Variants in GRK3 observed in about 807,000 individuals in gnomAD.
The protein encoded by GRK3 is adrenergic, beta, receptor kinase 2.
Under a neutral mutation model 95.7 loss-of-function variants are expected in GRK3, and 54 were observed. The ratio of observed to expected loss-of-function variants is 0.56; its 90% CI spans 0.45 to 0.71. The LOEUF (loss-of-function observed/expected upper bound fraction) is 0.71. Among genes scored for constraint, GRK3 ranks in the 30% least tolerant of loss-of-function variants. GRK3 has a pLI of 0.00. For synonymous variants in GRK3, 281 were observed against 290.8 expected, an observed-to-expected ratio of 0.97 and a Z score of 0.34; for missense variants, 649 against 851.2, an observed-to-expected ratio of 0.76 and a Z score of 2.96.
intron 9 of GRK3, among the ~76,000 whole-genome samples, chr22:25,682,154 A>G (rs975276188): frequency 3.2e-4 from 48 of 152,324 alleles, no homozygotes; most frequent in African/African-American, 1.0e-3. Context: ...AACAGCATTT[A>G]TTTGGTAATG....
At chr22:25,713,224 T>C (rs2085357957) in intron 17 of GRK3, among the ~76,000 whole-genome samples, 2 of 152,094 alleles carry the variant, frequency 1.3e-5, no homozygotes, top group Admixed American at 6.5e-5. Flanking sequence ...CAGGTGCTCA[T>C]CGGACCTTGA....
In GRK3 at chr22:25,695,149, G is replaced by T; in HGVS notation, c.1095G>T (p.Gly365=). The T allele has an allele frequency of 6.2e-7, 1 of 1,614,110 alleles. No individual in the cohort carries two copies. Among genetic ancestry groups the T allele is most frequent in the Non-Finnish European group, 8.5e-7 (1 of 1,179,990 alleles). The part of the protein sequence containing the change: ...GYMAPEVLQK[G]TAYDSSADWF... ...TGGCTCCCGAGGTGCTGCAGAAGGGGACGGCCTATGACAGCAGTGCCGACT... is the reference window on the plus strand; with the variant it reads ...TGGCTCCCGAGGTGCTGCAGAAGGGTACGGCCTATGACAGCAGTGCCGACT... The change falls in exon 13 of 21, where the codon GGG becomes GGT. Residue 365 remains glycine, a synonymous_variant. Transcript: ENST00000324198.
chr22:25,647,575 A>G (rs2084794848), intron 3 of GRK3: 2 of 1,558,746 alleles, frequency 1.3e-6, no homozygotes, highest in Non-Finnish European at 1.8e-6. Flanking sequence ...TTATGAAGCT[A>G]GAACTACAGA....
chr22:25,691,371 T>C (rs970137367), intron 12 of GRK3, among the ~76,000 whole-genome samples: 3 of 152,236 alleles, frequency 2.0e-5, no homozygotes, highest in African/African-American at 7.2e-5. Flanking sequence ...TCCTTCTCTT[T>C]GTGTAACTAG....
At chr22:25,670,979 G>T (rs887833643) in intron 6 of GRK3, among the ~76,000 whole-genome samples, 1 of 151,418 alleles carries the variant, frequency 6.6e-6, no homozygotes, top group Non-Finnish European at 1.5e-5. Flanking sequence ...GCATGAACCC[G>T]GGAGGCGGAG....
intron 1 of GRK3, among the ~76,000 whole-genome samples, chr22:25,573,809 G>T (rs1319711178): frequency 6.6e-6 from 1 of 152,262 alleles, no homozygotes; most frequent in Middle Eastern, 3.4e-3. Flanking sequence ...TGAGGCAGGA[G>T]AATTGTTTGA....
rs112173503 is a variant in GRK3, at chr22:25,682,127, A to C, written c.748-3043A>C. On this transcript the variant is annotated intron_variant, in intron 9 of 20. Coordinates refer to ENST00000324198, the MANE Select transcript of GRK3 (RefSeq NM_005160.4). ...AATATAGTTGGACTTTAGTTAAAGC[A>C]TTTATTTGGTAATTAAAACAGCATT... 2.4e-3 allele frequency among the ~76,000 whole-genome samples: 372 copies of C among 152,318 alleles called. 6 individuals carry two copies. The highest frequency in any genetic ancestry group is 8.5e-3 in the African/African-American group (355 of 41,562).
chr22:25,628,348 T>C (rs888046471), intron 2 of GRK3, among the ~76,000 whole-genome samples: 1 of 152,232 alleles, frequency 6.6e-6, no homozygotes, highest in African/African-American at 2.4e-5. Context: ...AGTTTTTCTC[T>C]GAGGAAGGTA....
At chr22:25,578,332 G>C (rs41258254) in intron 1 of GRK3, among the ~76,000 whole-genome samples, 4,510 of 152,176 alleles carry the variant, frequency 0.03, 120 homozygotes, top group Middle Eastern at 0.068. Context: ...GGGCACCTTC[G>C]CTAACAAACT....
Position 25,703,537 on chromosome 22 carries a change from C to A in GRK3, c.1188C>A (p.Thr396=), listed in dbSNP as rs200464600. Residue 396 remains threonine (T), a synonymous_variant, in exon 14 of 21, where the codon ACC becomes ACA. Coordinates refer to ENST00000324198, the MANE Select transcript of GRK3 (RefSeq NM_005160.4). ...ACAGCCCTTTCAGACAACATAAAACCAAAGACAAGCATGAAATTGACCGAA... is the reference window on the plus strand; with the variant it reads ...ACAGCCCTTTCAGACAACATAAAACAAAAGACAAGCATGAAATTGACCGAA... ...RGHSPFRQHK[T]KDKHEIDRMT... is the part of the protein sequence containing the mutation. The A allele has an allele frequency of 5.2e-5, 84 of 1,612,934 alleles. No homozygotes were observed. The highest frequency in any genetic ancestry group is 4.2e-4 in the Admixed American group (25 of 59,952).
chr22:25,645,634 C>T (rs1413659982), intron 3 of GRK3, among the ~76,000 whole-genome samples: 1 of 152,092 alleles, frequency 6.6e-6, no homozygotes, highest in Non-Finnish European at 1.5e-5. Context: ...GAAACAGGAT[C>T]AAAGCAGGCC....
intron 3 of GRK3, 146 bp from the exon 4 acceptor site, chr22:25,661,430 G>A (rs1259218991): frequency 5.9e-6 from 3 of 509,978 alleles, no homozygotes; most frequent in East Asian, 5.8e-5. Context: ...TACAACATTA[G>A]AAGTAGCTGT....
intron 2 of GRK3, among the ~76,000 whole-genome samples, chr22:25,605,079 G>A (rs917239993): frequency 6.6e-6 from 1 of 152,216 alleles, no homozygotes; most frequent in African/African-American, 2.4e-5. Context: ...ACCAGTAGAA[G>A]CTGGTGCAGA....
At chr22:25,694,084 C>T (rs558251781) in intron 12 of GRK3, among the ~76,000 whole-genome samples, 6 of 152,182 alleles carry the variant, frequency 3.9e-5, no homozygotes, top group Non-Finnish European at 7.3e-5. Flanking sequence ...AGTCAGTGCA[C>T]ACGGCCTAAA....
intron 7 of GRK3, among the ~76,000 whole-genome samples, chr22:25,673,101 G>T (rs563646717): frequency 7.2e-6 from 1 of 139,742 alleles, no homozygotes; most frequent in African/African-American, 2.7e-5. Flanking sequence ...TCGCTCTGTC[G>T]CCCAGGCTGG....
intron 10 of GRK3, among the ~76,000 whole-genome samples, chr22:25,686,567 C>A (rs1470870118): frequency 1.3e-5 from 2 of 152,192 alleles, no homozygotes; most frequent in Non-Finnish European, 2.9e-5. Context: ...AAGTTGGACA[C>A]ACATTCATTT....
intron 8 of GRK3, 132 bp from the exon 9 acceptor site, chr22:25,678,684 C>T (rs555938493): frequency 1.5e-5 from 7 of 458,540 alleles, no homozygotes; most frequent in Non-Finnish European, 2.4e-5. Context: ...TCTTGCATGG[C>T]GCTTGGGTAT....
At chr22:25,711,229 A>G (rs2085341688) in intron 17 of GRK3, 66 bp downstream of exon 17, 5 of 1,093,936 alleles carry the variant, frequency 4.6e-6, no homozygotes, top group Non-Finnish European at 6.7e-6. Flanking sequence ...TTGGAAATCA[A>G]ACTTAGTGGT....
chr22:25,642,441 A>G (rs1395040428), intron 2 of GRK3, among the ~76,000 whole-genome samples: 1 of 152,184 alleles, frequency 6.6e-6, no homozygotes, highest in Non-Finnish European at 1.5e-5. Context: ...TCAAAAATAA[A>G]TAAATAAATA....
Sources: gnomAD v4.1 joint callset for allele counts (sites outside exome capture counted in the v4.1 genomes callset) on GRCh38, gnomAD v4.1.1 for gene constraint, MANE v1.5 for transcripts, NCBI Gene and HGNC (gene_info 2026-07-23, HGNC 2026-07-21) for gene names.